Variants in ATP8A2 observed in about 807,000 individuals in gnomAD.
ATP8A2 encodes phospholipid-transporting ATPase IB.
A neutral mutation model predicts 165.6 loss-of-function variants in ATP8A2; 100 were observed. The observed-to-expected ratio is 0.60, with a 90% CI of 0.51 to 0.71. The LOEUF is 0.71. ATP8A2 is among the 30% of genes least tolerant of loss of function. The pLI is 0.00. For synonymous variants in ATP8A2, 543 were observed against 548.8 expected (o/e 0.99, Z 0.15); for missense variants, 1,227 against 1,479.5 (o/e 0.83, Z 2.80).
intron 6 of ATP8A2, among the ~76,000 whole-genome samples, chr13:25,536,746 T>C (rs2038298241): frequency 6.6e-6 from 1 of 152,228 alleles, no homozygotes; most frequent in Admixed American, 6.5e-5. Context: ...GTACTAGTAA[T>C]GGTCTTCTGG....
At chr13:25,585,445 A>C (rs1191308452) in intron 23 of ATP8A2, among the ~76,000 whole-genome samples, 1 of 152,144 alleles carries the variant, frequency 6.6e-6, no homozygotes, top group Admixed American at 6.5e-5. Flanking sequence ...TGTGTATTCC[A>C]TTTTAAAGTA....
At chr13:25,884,657 G>A (rs543175190) in intron 33 of ATP8A2, among the ~76,000 whole-genome samples, 11 of 152,300 alleles carry the variant, frequency 7.2e-5, no homozygotes, top group Admixed American at 2.0e-4. Context: ...GGCAGTCCCC[G>A]CTGCTCTGAG....
intron 23 of ATP8A2, among the ~76,000 whole-genome samples, chr13:25,584,929 A>G (rs4075982): frequency 0.12 from 17,992 of 152,218 alleles, 1,300 homozygotes; most frequent in Non-Finnish European, 0.18. Context: ...ATTTGGTGAC[A>G]TTAATTATCT....
At chr13:25,669,417 CT>C (rs917905851) in intron 24 of ATP8A2, among the ~76,000 whole-genome samples, 2 of 152,222 alleles carry the variant, frequency 1.3e-5, no homozygotes, top group Non-Finnish European at 2.9e-5. Context: ...TTTTTCTAGT[CT>C]TTGCAGCTTA....
At chr13:25,409,899 C>A (rs112906273) in intron 1 of ATP8A2, among the ~76,000 whole-genome samples, 6 of 151,996 alleles carry the variant, frequency 3.9e-5, no homozygotes, top group Non-Finnish European at 8.8e-5. Flanking sequence ...TGACATTGCA[C>A]TCACAGTTAT....
At chr13:25,576,226 C>A (rs1251524301) in intron 19 of ATP8A2, among the ~76,000 whole-genome samples, 1 of 152,120 alleles carries the variant, frequency 6.6e-6, no homozygotes, top group African/African-American at 2.4e-5. Context: ...TGAAGAGAGA[C>A]TCTCCCCGAC....
rs1284115304 is a variant in ATP8A2, at chr13:25,953,537, A to G, written c.3184-8038A>G. On this transcript the variant is annotated intron_variant, in intron 33 of 36. Transcript: ENST00000381655. This position sits in a 1 kb window ranked among gnomAD's most constrained non-coding sequence, Gnocchi z 6.7. ...CCAGCCTTTTTAAAAAAAAAAAAAA[A>G]AAAAAAAAAGCAAGGGAAATAGGCA... is the stretch of plus-strand genomic sequence containing the variant. 7.1e-6 allele frequency among the ~76,000 whole-genome samples: 1 copy of G among 140,764 alleles called. No individual in the cohort carries two copies. The highest frequency in any genetic ancestry group is 2.7e-5 in the African/African-American group (1 of 37,290). 92.3% of individuals were successfully genotyped at this position (140,764 alleles called of 152,430 possible).
intron 15 of ATP8A2, among the ~76,000 whole-genome samples, chr13:25,560,891 C>G (rs1309160627): frequency 1.4e-5 from 2 of 139,766 alleles, no homozygotes; most frequent in African/African-American, 5.3e-5. Context: ...ACATTTTTTC[C>G]TTTTTTTTTT....
chr13:25,738,938 C>G (rs965190783), intron 25 of ATP8A2, among the ~76,000 whole-genome samples: 3 of 152,190 alleles, frequency 2.0e-5, no homozygotes, highest in African/African-American at 4.8e-5. Flanking sequence ...CTGAACTTAT[C>G]AGAAGTCAAC....
rs1951849489 is a variant in ATP8A2 at position 25,845,856 on chromosome 13, T to C, written c.2956+6232T>C. 3.9e-5 allele frequency among the ~76,000 whole-genome samples: 6 copies of C among 152,346 alleles called. No homozygotes were observed. In the South Asian group the frequency reaches 1.2e-3, roughly 32 times the overall value. On this transcript the variant is annotated intron_variant, in intron 30 of 36. Transcript: ENST00000381655. ...TCTCTGAGACTGCAACTTCTTAAAC[T>C]CAATTATTCACTCATTTTTGTAAAA...
At chr13:25,988,508 C>T (rs1451563777) in intron 35 of ATP8A2, among the ~76,000 whole-genome samples, 2 of 151,124 alleles carry the variant, frequency 1.3e-5, no homozygotes, top group Non-Finnish European at 2.9e-5. Flanking sequence ...TTTTCTATGG[C>T]CTTTTCTGCA....
At chr13:25,842,668 T>TC (rs1951771006) in intron 30 of ATP8A2, among the ~76,000 whole-genome samples, 1 of 93,040 alleles carries the variant, frequency 1.1e-5, no homozygotes, top group South Asian at 3.2e-4. Flanking sequence ...CAAAACTCTG[T>TC]CAAAAAAAAA....
At chr13:25,930,556 GCTTT>G (rs934323381) in intron 33 of ATP8A2, among the ~76,000 whole-genome samples, 1 of 152,176 alleles carries the variant, frequency 6.6e-6, no homozygotes, top group Non-Finnish European at 1.5e-5. Flanking sequence ...GCATCAAAAT[GCTTT>G]CTTTCATTGC....
At chr13:25,764,886 CTT>C (rs1400324347) in intron 25 of ATP8A2, among the ~76,000 whole-genome samples, 1 of 152,172 alleles carries the variant, frequency 6.6e-6, no homozygotes, top group East Asian at 1.9e-4. Flanking sequence ...TCCAGCCCCT[CTT>C]TGACAACCAG....
chr13:25,765,773 G>A (rs2044478177), intron 25 of ATP8A2, among the ~76,000 whole-genome samples: 1 of 152,174 alleles, frequency 6.6e-6, no homozygotes, highest in African/African-American at 2.4e-5. Context: ...GGCAAGCCCA[G>A]TGAGTCTATT....
chr13:25,548,733 ATAAAG>A (rs2038728406), intron 10 of ATP8A2, among the ~76,000 whole-genome samples: 1 of 152,232 alleles, frequency 6.6e-6, no homozygotes, highest in South Asian at 2.1e-4. Flanking sequence ...ATTTAGACAA[ATAAAG>A]TAAAAGGGAA....
At chr13:25,876,125 A>G (rs1451422664) in intron 33 of ATP8A2, among the ~76,000 whole-genome samples, 1 of 152,218 alleles carries the variant, frequency 6.6e-6, no homozygotes, top group Non-Finnish European at 1.5e-5. Flanking sequence ...TAAATCTGGG[A>G]TGATTTCACG....
intron 27 of ATP8A2, among the ~76,000 whole-genome samples, chr13:25,791,528 A>AACACACACACAC (rs67701751): frequency 1.6e-4 from 16 of 102,044 alleles, no homozygotes; most frequent in Non-Finnish European, 2.0e-4. Flanking sequence ...CCCGAACTTA[A>AACACACACACAC]ACACACACAC....
At chr13:25,690,434 C>T (rs999023412) in intron 24 of ATP8A2, among the ~76,000 whole-genome samples, 4 of 151,768 alleles carry the variant, frequency 2.6e-5, no homozygotes, top group African/African-American at 9.7e-5. Context: ...AGTATCTCAG[C>T]TACCCTGCAA....
Sources: allele counts gnomAD v4.1 joint callset (sites outside exome capture counted in the v4.1 genomes callset), GRCh38; gene constraint gnomAD v4.1.1; non-coding constraint Gnocchi (gnomAD v3.1); transcripts MANE v1.5; gene names NCBI Gene and HGNC (gene_info 2026-07-23, HGNC 2026-07-21).